PTH1R: variants seen among roughly 807,000 people sequenced by gnomAD.
The protein encoded by PTH1R is parathyroid hormone 1 receptor, also known as parathyroid hormone/parathyroid hormone-related peptide receptor.
A neutral mutation model predicts 70.7 loss-of-function variants in PTH1R; 32 were observed. The ratio of observed to expected loss-of-function variants is 0.45; its 90% CI spans 0.34 to 0.61. The LOEUF (loss-of-function observed/expected upper bound fraction) is 0.61. Among genes scored for constraint, PTH1R ranks in the 20% least tolerant of loss-of-function variants. The pLI is 0.01. For synonymous variants in PTH1R, 329 were observed against 324.8 expected, an observed-to-expected ratio of 1.01 and a Z score of -0.14; for missense variants, 626 against 792.5, an observed-to-expected ratio of 0.79 and a Z score of 2.52.
intron 2 of PTH1R, among the ~76,000 whole-genome samples, chr3:46,881,727 G>C (rs1375556259): frequency 1.3e-5 from 2 of 151,964 alleles, no homozygotes; most frequent in East Asian, 3.9e-4. Context: ...GGGTGGGGCT[G>C]GACGTGGGGG....
chr3:46,882,242 G>A lies in PTH1R; in HGVS notation c.-49+1124G>A, dbSNP rs1373641675. On this transcript the variant is annotated intron_variant, in intron 2 of 15. Transcript: ENST00000449590. This position sits in a 1 kb window ranked among gnomAD's most constrained non-coding sequence, Gnocchi z 4.3. ...GGGAGGGAAGAGGCGCCCGGCCGGG[G>A]AGAAGGGGAGCGGCAGACGCCGAGG... is the stretch of plus-strand genomic sequence containing the variant. The A allele has an allele frequency of 6.6e-6, 1 of 151,964 alleles. No homozygotes were observed. The highest frequency in any genetic ancestry group is 2.4e-5 in the African/African-American group (1 of 41,402). 9.4% of individuals were successfully genotyped at this position (151,964 alleles called of 1,614,324 possible). A position where few individuals can be genotyped will look rare whatever the true frequency, so the allele number is the denominator to read the frequency against.
chr3:46,899,519 G>C, intron 10 of PTH1R, 63 bp downstream of exon 10: 1 of 1,571,524 alleles, frequency 6.4e-7, no homozygotes, highest in Non-Finnish European at 8.6e-7. Context: ...ACAGGGAGAG[G>C]GCAGCCCCTG....
chr3:46,903,101 C>T lies in PTH1R; in HGVS notation c.1396-169C>T. ...GCCTTGTAGATTCTGGGTGTGTCGGCTGCCTGTAGCCAAACACCCTGTTGT... is the reference window on the plus strand; with the variant it reads ...GCCTTGTAGATTCTGGGTGTGTCGGTTGCCTGTAGCCAAACACCCTGTTGT... On this transcript the variant is annotated intron_variant, in intron 15 of 15. Transcript: ENST00000449590. This position sits in a 1 kb window ranked among gnomAD's most constrained non-coding sequence, Gnocchi z 4.4. 2.3e-6 allele frequency: 3 copies of T among 1,312,444 alleles called. No homozygotes were observed. Among genetic ancestry groups the T allele is most frequent in the Non-Finnish European group, 2.1e-6 (2 of 944,380 alleles). 81.3% of individuals were successfully genotyped at this position (1,312,444 alleles called of 1,614,324 possible).
chr3:46,883,543 G>C lies in PTH1R; in HGVS notation c.-17G>C. 5 of 1,512,008 alleles carry C rather than the reference G, an allele frequency of 3.3e-6. No individual in the cohort carries two copies. Among genetic ancestry groups the C allele is most frequent in the Non-Finnish European group, 4.4e-6 (5 of 1,135,314 alleles). 93.7% of individuals were successfully genotyped at this position (1,512,008 alleles called of 1,614,324 possible). A position where few individuals can be genotyped will look rare whatever the true frequency, so the allele number is the denominator to read the frequency against. ...CGGCGGCGGCTGCCCCGAGGGACGC[G>C]GCCCTAGGCGGTGGCGATGGGGACC... is the stretch of plus-strand genomic sequence containing the variant. On this transcript the variant is annotated 5_prime_UTR_variant, in exon 3 of 16. Transcript: ENST00000449590. The surrounding 1 kb of genome is among the most constrained non-coding windows in gnomAD (Gnocchi z 6.4).
Position 46,903,677 on chromosome 3 carries a change from C to G in PTH1R, c.*21C>G, listed in dbSNP as rs2032273926. The G allele has an allele frequency of 6.2e-7, 1 of 1,604,372 alleles. No homozygotes were observed. Among genetic ancestry groups the G allele is most frequent in the South Asian group, 1.1e-5 (1 of 91,080 alleles). The stretch of plus-strand genomic sequence containing the variant: ...TGTGACCAGGCGCTGGGGGCTGGAC[C>G]TGCTGACATAGTGGATGGACAGATG... On this transcript the variant is annotated 3_prime_UTR_variant, in exon 16 of 16. Transcript: ENST00000449590. The surrounding 1 kb of genome is among the most constrained non-coding windows in gnomAD (Gnocchi z 4.4).
intron 3 of PTH1R, among the ~76,000 whole-genome samples, chr3:46,890,606 G>A (rs755949873): frequency 4.7e-5 from 7 of 149,160 alleles, no homozygotes; most frequent in Non-Finnish European, 7.4e-5. Flanking sequence ...AGGTTTGAGC[G>A]ATTCTGCTGC....
rs2032164674 is a variant in PTH1R, at chr3:46,902,157, C to T, written c.1211+297C>T. Among the ~76,000 whole-genome samples the T allele has an allele frequency of 6.6e-6, 1 of 152,202 alleles. No individual in the cohort carries two copies. Among genetic ancestry groups the T allele is most frequent in the South Asian group, 2.1e-4 (1 of 4,832 alleles). On this transcript the variant is annotated intron_variant, in intron 13 of 15. Transcript: ENST00000449590. The surrounding 1 kb of genome is among the most constrained non-coding windows in gnomAD (Gnocchi z 5.4). The stretch of plus-strand genomic sequence containing the variant: ...AGTTGGTTGCAGGGGGTCTGAGGAA[C>T]AGGTAGGCGGTGAGTGGCCCCGGGA...
chr3:46,898,313 G>A (rs2031879309), intron 7 of PTH1R, 65 bp from the exon 8 acceptor site: 2 of 1,586,790 alleles, frequency 1.3e-6, no homozygotes, highest in South Asian at 2.2e-5. Context: ...CTGGCCTCTT[G>A]CTCTTACCCT....
Position 46,899,556 on chromosome 3 carries a change from C to T in PTH1R, c.988+100C>T, listed in dbSNP as rs906560806. On this transcript the variant is annotated intron_variant, in intron 10 of 15. Transcript: ENST00000449590. ...GGGGAGGCGCCCACACAGCACATCC[C>T]GCCCCAAGTGGAACAGCAGGAGAGA... 61 of 1,458,622 alleles carry T rather than the reference C, an allele frequency of 4.2e-5. No individual in the cohort carries two copies. The Admixed American group carries it at 1.0e-3, about 24-fold the overall frequency. 90.4% of individuals were successfully genotyped at this position (1,458,622 alleles called of 1,614,324 possible).
In PTH1R at chr3:46,882,982, C is replaced by G. The variant is rs1026801251; in HGVS notation, c.-48-530C>G. ...CCCTAACTGCACGCCCCGCGCGGCT[C>G]AGAACGCGCCCCCTGCCCGGCCCTG... On this transcript the variant is annotated intron_variant, in intron 2 of 15. Coordinates refer to ENST00000449590, the MANE Select transcript of PTH1R (RefSeq NM_000316.3). This position sits in a 1 kb window ranked among gnomAD's most constrained non-coding sequence, Gnocchi z 4.3. Among the ~76,000 whole-genome samples the G allele has an allele frequency of 6.6e-6, 1 of 151,932 alleles. No individual in the cohort carries two copies. The highest frequency in any genetic ancestry group is 2.1e-4 in the South Asian group (1 of 4,826).
At chr3:46,899,156 T>C (rs988642262) in intron 9 of PTH1R, 147 bp from the exon 10 acceptor site, 4 of 1,071,410 alleles carry the variant, frequency 3.7e-6, no homozygotes, top group Non-Finnish European at 5.6e-6. Flanking sequence ...CGCATCCCCC[T>C]GAGAGAGCCC....
Position 46,883,191 on chromosome 3 carries a change from G to A in PTH1R, c.-48-321G>A, listed in dbSNP as rs963167060. Among the ~76,000 whole-genome samples, 60 of 151,068 alleles carry A rather than the reference G, an allele frequency of 4.0e-4. No homozygotes were observed. Among genetic ancestry groups the A allele is most frequent in the African/African-American group, 1.4e-3 (57 of 41,396 alleles). ...AAGAAAGAAAGAAAAGGCGGCGCGG[G>A]AGGGGGGCGGGGGGCGGGCCGGGGG... On this transcript the variant is annotated intron_variant, in intron 2 of 15. Transcript: ENST00000449590. The surrounding 1 kb of genome is among the most constrained non-coding windows in gnomAD (Gnocchi z 6.4).
At chr3:46,899,267 G>T in intron 9 of PTH1R, 36 bp from the exon 10 acceptor site, 1 of 1,613,316 alleles carries the variant, frequency 6.2e-7, no homozygotes, top group Non-Finnish European at 8.5e-7. Flanking sequence ...CCGGAGGCAG[G>T]CCCTGCCCTC....
chr3:46,895,802 G>A lies in PTH1R; in HGVS notation c.246G>A (p.Lys82=). The A allele has an allele frequency of 2.5e-6, 4 of 1,614,126 alleles. No individual in the cohort carries two copies. The South Asian group carries it at 3.3e-5, about 13-fold the overall frequency. Reference sequence around the variant, plus strand: ...CATCAGGGAAGCCCAGGAAAGATAAGGCATCTGGGAAGCTCTACCCTGAGT... The same window carrying A: ...CATCAGGGAAGCCCAGGAAAGATAAAGCATCTGGGAAGCTCTACCCTGAGT... ...ASTSGKPRKD[K]ASGKLYPESE... The change falls in exon 5 of 16, where the codon AAG becomes AAA. Residue 82 remains lysine, a synonymous_variant. Transcript: ENST00000449590.
At chr3:46,895,691 T>A in intron 4 of PTH1R, 44 bp from the exon 5 acceptor site, 1 of 1,613,720 alleles carries the variant, frequency 6.2e-7, no homozygotes, top group Non-Finnish European at 8.5e-7. Flanking sequence ...GGTCTCCTGT[T>A]GTAGCACAGC....
intron 1 of PTH1R, among the ~76,000 whole-genome samples, chr3:46,878,138 C>T (rs1240942215): frequency 6.6e-6 from 1 of 152,204 alleles, no homozygotes; most frequent in African/African-American, 2.4e-5. Flanking sequence ...CTTCACCTTC[C>T]TGAGAGGCAA....
intron 3 of PTH1R, among the ~76,000 whole-genome samples, chr3:46,890,326 C>T (rs2031329696): frequency 6.6e-6 from 1 of 152,112 alleles, no homozygotes; most frequent in Non-Finnish European, 1.5e-5. Context: ...CCTTGGGTCC[C>T]TGGCCTGGCT....
At chr3:46,895,561 C>A in intron 4 of PTH1R, 174 bp from the exon 5 acceptor site, 1 of 380,000 alleles carries the variant, frequency 2.6e-6, no homozygotes, top group Non-Finnish European at 3.6e-6. Context: ...AAGCACTTTA[C>A]ACTTTGTTAA....
In PTH1R at chr3:46,884,574, C is replaced by T. The variant is rs372869003; in HGVS notation, c.75+940C>T. 6.6e-6 allele frequency among the ~76,000 whole-genome samples: 1 copy of T among 152,184 alleles called. No individual in the cohort carries two copies. Among genetic ancestry groups the T allele is most frequent in the Non-Finnish European group, 1.5e-5 (1 of 68,032 alleles). On this transcript the variant is annotated intron_variant, in intron 3 of 15. Transcript: ENST00000449590. The surrounding 1 kb of genome is among the most constrained non-coding windows in gnomAD (Gnocchi z 4.8). Reference sequence around the variant, plus strand: ...AGCAACCCCATCCCCTGGGACGAGCCCGTTCCTGGGGAGGCTGTCTGCCTG... The same window carrying T: ...AGCAACCCCATCCCCTGGGACGAGCTCGTTCCTGGGGAGGCTGTCTGCCTG...
Sources: allele counts gnomAD v4.1 joint callset (sites outside exome capture counted in the v4.1 genomes callset), GRCh38; gene constraint gnomAD v4.1.1; non-coding constraint Gnocchi (gnomAD v3.1); transcripts MANE v1.5; gene names NCBI Gene and HGNC (gene_info 2026-07-23, HGNC 2026-07-21).